Variants in CTNND2 observed in about 807,000 individuals in gnomAD.
CTNND2 encodes the protein catenin delta 2, also known as catenin delta-2.
Under a neutral mutation model 144.4 loss-of-function variants are expected in CTNND2, and 22 were observed. The observed-to-expected ratio is 0.15, with a 90% CI of 0.11 to 0.22. The LOEUF (loss-of-function observed/expected upper bound fraction) is 0.22, where lower values mean the gene tolerates loss of function less well. Ranked by LOEUF, CTNND2 falls within the 10% of genes least tolerant of loss-of-function variation. The pLI, the probability that CTNND2 is intolerant of heterozygous loss-of-function variation, is 1.00. For missense variants in CTNND2, 1,353 were observed against 1,618.8 expected, an observed-to-expected ratio of 0.84 and a Z score of 2.82; for synonymous variants, 751 against 695.6, an observed-to-expected ratio of 1.08 and a Z score of -1.25.
intron 1 of CTNND2, among the ~76,000 whole-genome samples, chr5:11,879,706 CAA>C (rs770184433): frequency 2.0e-5 from 3 of 152,098 alleles, no homozygotes; most frequent in Non-Finnish European, 2.9e-5. Flanking sequence ...TATAGGTTCG[CAA>C]AGAGTAGCTC....
intron 1 of CTNND2, among the ~76,000 whole-genome samples, chr5:11,802,255 G>A (rs1328272728): frequency 7.0e-6 from 1 of 143,018 alleles, no homozygotes; most frequent in Non-Finnish European, 1.5e-5. Context: ...CTAGGCGATA[G>A]AGCAAGACTC....
chr5:11,004,401 C>G (rs1163664346), intron 18 of CTNND2, among the ~76,000 whole-genome samples: 2 of 152,198 alleles, frequency 1.3e-5, no homozygotes, highest in African/African-American at 4.8e-5. Flanking sequence ...ACACTCATCA[C>G]TGGGGAACAA....
intron 2 of CTNND2, among the ~76,000 whole-genome samples, chr5:11,580,348 A>G (rs779512294): frequency 1.3e-5 from 2 of 152,220 alleles, no homozygotes; most frequent in Non-Finnish European, 2.9e-5. Flanking sequence ...GTAAAGAATG[A>G]ATACATATTT....
intron 2 of CTNND2, among the ~76,000 whole-genome samples, chr5:11,609,449 C>G (rs1780212431): frequency 2.0e-5 from 3 of 152,118 alleles, no homozygotes; most frequent in Admixed American, 2.0e-4. Flanking sequence ...ATCAGTGACT[C>G]TCAATGGACC....
chr5:11,251,960 T>C (rs986668227), intron 9 of CTNND2, among the ~76,000 whole-genome samples: 6 of 152,204 alleles, frequency 3.9e-5, no homozygotes, highest in Admixed American at 3.3e-4. Flanking sequence ...AAAAATACTA[T>C]AAATTTTGGG....
chr5:11,384,600 G>C lies in CTNND2; in HGVS notation c.1177+65C>G, dbSNP rs962586323. The C allele has an allele frequency of 4.7e-6, 7 of 1,475,632 alleles. No homozygotes were observed. The African/African-American group carries it at 9.8e-5, about 21-fold the overall frequency. The allele number at this position is 1,475,632 out of a possible 1,614,324, so 91.4% of individuals were successfully genotyped here. A position where few individuals can be genotyped will look rare whatever the true frequency, so the allele number is the denominator to read the frequency against. ...CCGGCTTCGCTTCTGCTCAAGCCGG[G>C]CTGCTGCTTCCGCGTCCCCGCCACG... On this transcript the variant is annotated intron_variant, in intron 7 of 21. Transcript: ENST00000304623. The surrounding 1 kb of genome is among the most constrained non-coding windows in gnomAD (Gnocchi z 5.2).
At chr5:11,411,490 C>T in intron 5 of CTNND2, 46 bp downstream of exon 5, 1 of 900,938 alleles carries the variant, frequency 1.1e-6, no homozygotes, top group Admixed American at 1.9e-5. Context: ...TGACATAATA[C>T]TCCTATATTT....
At chr5:10,993,588 T>C (rs1738951760) in intron 18 of CTNND2, among the ~76,000 whole-genome samples, 1 of 152,184 alleles carries the variant, frequency 6.6e-6, no homozygotes, top group African/African-American at 2.4e-5. Context: ...TTTCAATTCT[T>C]TTAGATTTTT....
At chr5:11,107,705 G>C (rs1250651519) in intron 14 of CTNND2, among the ~76,000 whole-genome samples, 3 of 152,242 alleles carry the variant, frequency 2.0e-5, no homozygotes, top group Non-Finnish European at 4.4e-5. Flanking sequence ...GGTGATTGCA[G>C]ATTCAGAATA....
intron 1 of CTNND2, among the ~76,000 whole-genome samples, chr5:11,869,662 C>A (rs1795933517): frequency 6.6e-6 from 1 of 152,202 alleles, no homozygotes; most frequent in South Asian, 2.1e-4. Flanking sequence ...GACGGTTGCA[C>A]AGCATCATCA....
At chr5:11,582,400 T>C (rs932032685) in intron 2 of CTNND2, among the ~76,000 whole-genome samples, 1 of 151,884 alleles carries the variant, frequency 6.6e-6, no homozygotes, top group Non-Finnish European at 1.5e-5. Flanking sequence ...AGTTAGGAAA[T>C]AAACAAACCA....
chr5:11,641,301 C>G (rs1781985453), intron 2 of CTNND2, among the ~76,000 whole-genome samples: 1 of 152,060 alleles, frequency 6.6e-6, no homozygotes, highest in South Asian at 2.1e-4. Context: ...TGTGAGCGTT[C>G]CATGAACACA....
intron 12 of CTNND2, among the ~76,000 whole-genome samples, chr5:11,125,832 T>G (rs1408434483): frequency 6.6e-6 from 1 of 152,226 alleles, no homozygotes. Context: ...ACTGTGACCA[T>G]TTGGTGTTTA....
intron 3 of CTNND2, among the ~76,000 whole-genome samples, chr5:11,421,027 G>A (rs371890888): frequency 9.9e-5 from 15 of 152,178 alleles, no homozygotes; most frequent in African/African-American, 3.4e-4. Context: ...AGATCCCTGA[G>A]AGGTCAGAAG....
intron 3 of CTNND2, among the ~76,000 whole-genome samples, chr5:11,561,661 T>C (rs1776693697): frequency 6.6e-6 from 1 of 152,216 alleles, no homozygotes; most frequent in Non-Finnish European, 1.5e-5. Context: ...CCTGTACTAT[T>C]GGATGGACTG....
At chr5:11,597,816 G>A (rs981067912) in intron 2 of CTNND2, among the ~76,000 whole-genome samples, 1 of 152,014 alleles carries the variant, frequency 6.6e-6, no homozygotes, top group East Asian at 1.9e-4. Flanking sequence ...CAAGTGATTC[G>A]TCTGCTCCGT....
chr5:11,705,126 C>T (rs1350112364), intron 2 of CTNND2, among the ~76,000 whole-genome samples: 1 of 152,114 alleles, frequency 6.6e-6, no homozygotes, highest in Non-Finnish European at 1.5e-5. Context: ...GTCAATGGTG[C>T]AGGCATAAAT....
chr5:11,473,844 G>A (rs942514540), intron 3 of CTNND2, among the ~76,000 whole-genome samples: 2 of 152,236 alleles, frequency 1.3e-5, no homozygotes, highest in African/African-American at 4.8e-5. Context: ...CAATGGGGAT[G>A]CCAGGCCTAA....
intron 19 of CTNND2, 92 bp downstream of exon 19, chr5:10,992,456 TCTC>T: frequency 6.4e-7 from 1 of 1,551,980 alleles, no homozygotes; most frequent in Non-Finnish European, 8.9e-7. Flanking sequence ...AATGGAAGGC[TCTC>T]CTCTGAGTAC....
Sources: allele counts gnomAD v4.1 joint callset (sites outside exome capture counted in the v4.1 genomes callset), GRCh38; gene constraint gnomAD v4.1.1; non-coding constraint Gnocchi (gnomAD v3.1); transcripts MANE v1.5; gene names NCBI Gene and HGNC (gene_info 2026-07-23, HGNC 2026-07-21).